ARHGEF2: variants seen among roughly 807,000 people sequenced by gnomAD.
ARHGEF2 encodes Rho/Rac guanine nucleotide exchange factor 2, also known as rho guanine nucleotide exchange factor 2.
Under a neutral mutation model 121.0 loss-of-function variants are expected in ARHGEF2, and 22 were observed. The ratio of observed to expected loss-of-function variants is 0.18; its 90% CI spans 0.13 to 0.26. ARHGEF2 has a LOEUF of 0.26. ARHGEF2 is among the 10% of genes least tolerant of loss of function. The pLI is 1.00. For missense variants in ARHGEF2, 907 were observed against 1,336.0 expected, an observed-to-expected ratio of 0.68 and a Z score of 5.01; for synonymous variants, 487 against 530.0, an observed-to-expected ratio of 0.92 and a Z score of 1.11.
intron 2 of ARHGEF2, 52 bp downstream of exon 2, chr1:155,969,104 C>A: frequency 1.2e-6 from 2 of 1,602,074 alleles, no homozygotes; most frequent in South Asian, 2.2e-5. Context: ...ATGAAAAGAT[C>A]AGGGTCAGTG....
intron 1 of ARHGEF2, among the ~76,000 whole-genome samples, chr1:155,971,834 G>A (rs554948301): frequency 3.3e-5 from 5 of 151,370 alleles, no homozygotes; most frequent in Non-Finnish European, 7.4e-5. Context: ...GATCGCTTGA[G>A]GCCAGGAGTT....
intron 13 of ARHGEF2, 29 bp downstream of exon 13, chr1:155,957,684 G>A: frequency 1.3e-6 from 2 of 1,590,178 alleles, no homozygotes; most frequent in South Asian, 2.3e-5. Flanking sequence ...GAGGTCATAA[G>A]CACATGCAGG....
Position 155,974,670 on chromosome 1 carries a change from C to T in ARHGEF2, c.63+3695G>A, listed in dbSNP as rs548809038. 6.6e-5 allele frequency among the ~76,000 whole-genome samples: 10 copies of T among 152,164 alleles called. No individual in the cohort carries two copies. The South Asian group carries it at 2.1e-3, about 32-fold the overall frequency. ...CACAAAGGCACTTAATAAATGCTTG[C>T]TTAGTGAATGAAGATGAGACACTGG... On this transcript the variant is annotated intron_variant, in intron 1 of 21. Coordinates refer to ENST00000361247, the MANE Select transcript of ARHGEF2 (RefSeq NM_001162383.2).
At chr1:155,963,219 G>A in intron 7 of ARHGEF2, 36 bp from the exon 8 acceptor site, 1 of 1,593,084 alleles carries the variant, frequency 6.3e-7, no homozygotes, top group Non-Finnish European at 8.5e-7. Flanking sequence ...CCTCTACCCT[G>A]GCTTGGCTAA....
Position 155,962,668 on chromosome 1 carries a change from G to A in ARHGEF2, c.1026C>T (p.Cys342=). 1 of 1,614,124 alleles carries A rather than the reference G, an allele frequency of 6.2e-7. No individual in the cohort carries two copies. The highest frequency in any genetic ancestry group is 8.5e-7 in the Non-Finnish European group (1 of 1,180,014). Residue 342 remains cysteine, a synonymous_variant, in exon 9 of 22, where the codon TGC becomes TGT. Coordinates refer to ENST00000361247, the MANE Select transcript of ARHGEF2 (RefSeq NM_001162383.2). The surrounding 1 kb of genome is among the most constrained non-coding windows in gnomAD (Gnocchi z 5.8). ...GCTTTAAGGCCTTGCTGTGGCGGCT[G>A]CAGAACTCCGAGTAGGTCTTACACA... ...EQMCKTYSEF[C]SRHSKALKLY...
chr1:155,954,143 T>A (rs2102638827), intron 14 of ARHGEF2, among the ~76,000 whole-genome samples: 1 of 130,504 alleles, frequency 7.7e-6, no homozygotes, highest in East Asian at 2.3e-4. Context: ...TTTTTTTTAA[T>A]TTTTTGTAGA....
In ARHGEF2 at chr1:155,952,711, G is replaced by A. The variant is rs1158351649; in HGVS notation, c.1901C>T (p.Pro634Leu). Residue 634 changes from proline to leucine, a missense_variant, in exon 15 of 22, where the codon CCC becomes CTC. By Grantham distance (98) the Pro-to-Leu change is moderately conservative. Around this residue, in one of 2 missense-constraint regions of ARHGEF2, gnomAD observed 432 missense variants for 559.5 expected, o/e 0.77. Coordinates refer to ENST00000361247, the MANE Select transcript of ARHGEF2 (RefSeq NM_001162383.2). ...EEDGGSGMALPTLPRGLFRSE... is the reference protein window; with the variant it reads ...EEDGGSGMALLTLPRGLFRSE... Reference sequence around the variant, plus strand: ...GCGGAAAAGGCCCCTGGGCAGGGTGGGCAGGGCCATCCCACTGCCACCATC... The same window carrying A: ...GCGGAAAAGGCCCCTGGGCAGGGTGAGCAGGGCCATCCCACTGCCACCATC... 1 of 1,614,202 alleles carries A rather than the reference G, an allele frequency of 6.2e-7. No homozygotes were observed. Among genetic ancestry groups the A allele is most frequent in the African/African-American group, 1.3e-5 (1 of 75,050 alleles).
At chr1:155,958,494 G>A in intron 11 of ARHGEF2, 98 bp from the exon 12 acceptor site, 2 of 946,394 alleles carry the variant, frequency 2.1e-6, no homozygotes, top group Non-Finnish European at 3.3e-6. Flanking sequence ...TCAGGTTAGA[G>A]CTCCCAGTTT....
chr1:155,957,607 C>A (rs534788453), intron 13 of ARHGEF2, 106 bp downstream of exon 13: 3 of 1,319,970 alleles, frequency 2.3e-6, no homozygotes, highest in African/African-American at 3.0e-5. Context: ...CCTCTTCCCC[C>A]ACCTCTGAAT....
rs764853988 is a variant in ARHGEF2 at position 155,952,016 on chromosome 1, C to T, written c.2105-30G>A. On this transcript the variant is annotated intron_variant, in intron 16 of 21. Transcript: ENST00000361247. ...TGAGAAGGAGAAAAGGATGGCTGAG[C>T]TCACTTCCCTGGGGCCCTGATACCA... 10 of 1,614,034 alleles carry T rather than the reference C, an allele frequency of 6.2e-6. No homozygotes were observed. In the South Asian group the frequency reaches 1.1e-4, roughly 18 times the overall value.
intron 14 of ARHGEF2, among the ~76,000 whole-genome samples, chr1:155,954,419 G>A: frequency 6.8e-6 from 1 of 147,654 alleles, no homozygotes; most frequent in Non-Finnish European, 1.5e-5. Flanking sequence ...GAGTAGCTGG[G>A]ACTACAGGCA....
chr1:155,973,143 C>A (rs191329481), intron 1 of ARHGEF2, among the ~76,000 whole-genome samples: 2 of 152,168 alleles, frequency 1.3e-5, no homozygotes, highest in Admixed American at 1.3e-4. Context: ...ACAATAGGCA[C>A]CCAATACATG....
intron 4 of ARHGEF2, among the ~76,000 whole-genome samples, 180 bp downstream of exon 4, chr1:155,966,236 C>T (rs144529095): frequency 6.6e-6 from 1 of 152,080 alleles, no homozygotes; most frequent in Admixed American, 6.5e-5. Context: ...GACTCTCTCT[C>T]CCCTTCTGCC....
chr1:155,961,454 T>C lies in ARHGEF2; in HGVS notation c.1468+207A>G, dbSNP rs1677898489. On this transcript the variant is annotated intron_variant, in intron 11 of 21. Coordinates refer to ENST00000361247, the MANE Select transcript of ARHGEF2 (RefSeq NM_001162383.2). The surrounding 1 kb of genome is among the most constrained non-coding windows in gnomAD (Gnocchi z 4.7). The stretch of plus-strand genomic sequence containing the variant: ...CACGCCCGGCGAATTTTTTGTATTT[T>C]CAGTAGAGACAGGGTTTCACTGTGT... Among the ~76,000 whole-genome samples, 1 of 152,062 alleles carries C rather than the reference T, an allele frequency of 6.6e-6. No homozygotes were observed. The highest frequency in any genetic ancestry group is 6.6e-5 in the Admixed American group (1 of 15,260).
rs1679075198 is a variant in ARHGEF2, at chr1:155,964,989, A to G, written c.723T>C (p.Tyr241=). ...KEVMKQQDVI[Y]ELIQTELHHV... ...AAGACTAGGGTGGTCTTGGCTTACC[A>G]TAGATGACATCTTGCTGCTTCATCA... is the stretch of plus-strand genomic sequence containing the variant. The change falls in exon 7 of 22, where the codon TAT becomes TAC. Residue 241 remains tyrosine, a splice_region_variant and synonymous_variant. Coordinates refer to ENST00000361247, the MANE Select transcript of ARHGEF2 (RefSeq NM_001162383.2). 3 of 1,613,940 alleles carry G rather than the reference A, an allele frequency of 1.9e-6. No homozygotes were observed. Among genetic ancestry groups the G allele is most frequent in the Non-Finnish European group, 2.5e-6 (3 of 1,179,938 alleles).
Position 155,951,014 on chromosome 1 carries a change from G to A in ARHGEF2, c.2518C>T (p.Arg840Trp), listed in dbSNP as rs371193783. The change falls in exon 20 of 22, where the codon CGG becomes TGG. Residue 840 changes from arginine (R) to tryptophan (W), a missense_variant. This residue lies in a region of ARHGEF2 where 432 missense variants were observed against 559.5 expected (regional missense o/e 0.77). Coordinates refer to ENST00000361247, the MANE Select transcript of ARHGEF2 (RefSeq NM_001162383.2). The surrounding 1 kb of genome is among the most constrained non-coding windows in gnomAD (Gnocchi z 5.1). ...AGTGCCCGGGCCTGCTCACTCTCCC[G>A]GAGCCGGGCCTCCAGGCTGCCAGCT... ...TEAGSLEARL[R>W]ESEQARALLE... 9 of 1,606,180 alleles carry A rather than the reference G, an allele frequency of 5.6e-6. No individual in the cohort carries two copies. The highest frequency in any genetic ancestry group is 1.7e-5 in the Admixed American group (1 of 59,234).
chr1:155,951,192 G>A lies in ARHGEF2; in HGVS notation c.2340C>T (p.Ala780=). 1 of 1,608,478 alleles carries A rather than the reference G, an allele frequency of 6.2e-7. No homozygotes were observed. The highest frequency in any genetic ancestry group is 1.3e-5 in the African/African-American group (1 of 75,022). The change falls in exon 20 of 22, where the codon GCC becomes GCT. Residue 780 remains alanine, a synonymous_variant. Coordinates refer to ENST00000361247, the MANE Select transcript of ARHGEF2 (RefSeq NM_001162383.2). The surrounding 1 kb of genome is among the most constrained non-coding windows in gnomAD (Gnocchi z 5.1). ...GPERREKLCR[A]NSRDGEAGRA... ...TGCCAGCCTCCCCATCCCGAGAGTT[G>A]GCTCGGCACAGCTTCTCCCGCCGCT...
At chr1:155,957,619 C>A in intron 13 of ARHGEF2, 94 bp downstream of exon 13, 3 of 1,410,728 alleles carry the variant, frequency 2.1e-6, no homozygotes, top group Non-Finnish European at 2.9e-6. Context: ...CCTCTGAATG[C>A]TGGATTCTGT....
intron 1 of ARHGEF2, among the ~76,000 whole-genome samples, chr1:155,976,490 A>T (rs1681313197): frequency 6.7e-6 from 1 of 149,252 alleles, no homozygotes; most frequent in South Asian, 2.2e-4. Context: ...TAGTAGAAAG[A>T]AGAGCCAGTC....
Sources: allele counts gnomAD v4.1 joint callset (sites outside exome capture counted in the v4.1 genomes callset), GRCh38; gene constraint gnomAD v4.1.1; regional missense constraint gnomAD v4.1.1; non-coding constraint Gnocchi (gnomAD v3.1); transcripts MANE v1.5; gene names NCBI Gene and HGNC (gene_info 2026-07-23, HGNC 2026-07-21).